The following FCHSD2 variants were observed in gnomAD, a reference collection of about 807,000 sequenced individuals.
The protein encoded by FCHSD2 is FCH and double SH3 domains 2.
FCHSD2 carries 38 observed loss-of-function variants against 108.1 expected under a neutral mutation model. The observed-to-expected ratio is 0.35, with a 90% CI of 0.27 to 0.46. The LOEUF is 0.46. Ranked by LOEUF, FCHSD2 falls within the 20% of genes least tolerant of loss-of-function variation. The probability of loss-of-function intolerance (pLI) is 1.00; values close to 1 mark genes in which losing one functional copy is unlikely to be tolerated. For missense variants in FCHSD2, 751 were observed against 897.8 expected (o/e 0.84, Z 2.09); for synonymous variants, 279 against 314.7 (o/e 0.89, Z 1.20).
In FCHSD2 at chr11:72,991,820, A is replaced by T. The variant is rs2135407545; in HGVS notation, c.388-2723T>A. On this transcript the variant is annotated intron_variant, in intron 5 of 19. Transcript: ENST00000409418. ...GCCAATATCATACTGAATGGGCAAA[A>T]CCTGGAAGCACTCCCTTTGAAAACT... Among the ~76,000 whole-genome samples the T allele has an allele frequency of 1.3e-5, 2 of 152,298 alleles. 1 individual carries two copies. The highest frequency in any genetic ancestry group is 4.2e-4 in the South Asian group (2 of 4,816).
intron 2 of FCHSD2, among the ~76,000 whole-genome samples, chr11:73,095,974 A>T (rs1209838761): frequency 6.6e-6 from 1 of 152,118 alleles, no homozygotes; most frequent in Non-Finnish European, 1.5e-5. Flanking sequence ...TTTGAAAGAC[A>T]CAACCCTGAG....
chr11:72,857,117 T>TTCCTCC (rs2135182711), intron 13 of FCHSD2, among the ~76,000 whole-genome samples: 1 of 152,326 alleles, frequency 6.6e-6, no homozygotes, highest in South Asian at 2.1e-4. Flanking sequence ...TGGAGTTGAT[T>TTCCTCC]TTTGGATTCC....
chr11:72,926,827 T>C (rs1856085535), intron 8 of FCHSD2, among the ~76,000 whole-genome samples: 1 of 152,202 alleles, frequency 6.6e-6, no homozygotes, highest in East Asian at 1.9e-4. Context: ...CTTTTGTTGA[T>C]AGTTTTGAAT....
rs186734312 is a variant in FCHSD2, at chr11:72,840,850, G to C, written c.2139+27C>G. ...TTCAATTTGGAAGAACTATGCATTC[G>C]ATAATCCTGCAAGATCAGAGACTTA... On this transcript the variant is annotated intron_variant, in intron 19 of 19. Transcript: ENST00000409418. 1.0e-4 allele frequency: 154 copies of C among 1,523,190 alleles called. No homozygotes were observed. The African/African-American group carries it at 2.0e-3, about 20-fold the overall frequency. 94.4% of individuals were successfully genotyped at this position (1,523,190 alleles called of 1,614,324 possible).
At chr11:72,976,751 C>A (rs1591450198) in intron 8 of FCHSD2, among the ~76,000 whole-genome samples, 1 of 152,098 alleles carries the variant, frequency 6.6e-6, no homozygotes, top group African/African-American at 2.4e-5. Context: ...CAAATCCATA[C>A]ATCTACAGTG....
chr11:73,111,290 G>A (rs924235185), intron 2 of FCHSD2, among the ~76,000 whole-genome samples: 1 of 152,048 alleles, frequency 6.6e-6, no homozygotes, highest in Non-Finnish European at 1.5e-5. Context: ...ATATCTGGGT[G>A]CTCCAGTATT....
At chr11:73,078,817 C>A (rs1859615139) in intron 3 of FCHSD2, among the ~76,000 whole-genome samples, 2 of 152,262 alleles carry the variant, frequency 1.3e-5, no homozygotes, top group South Asian at 4.1e-4. Context: ...ATCCTGGACT[C>A]ACGTGATTCT....
At chr11:73,030,743 T>C (rs1858340165) in intron 3 of FCHSD2, among the ~76,000 whole-genome samples, 3 of 152,360 alleles carry the variant, frequency 2.0e-5, no homozygotes, top group Admixed American at 1.3e-4. Context: ...GCTATACATA[T>C]TGATAGTGAA....
At chr11:72,886,251 T>C (rs1855196484) in intron 12 of FCHSD2, among the ~76,000 whole-genome samples, 1 of 152,192 alleles carries the variant, frequency 6.6e-6, no homozygotes, top group African/African-American at 2.4e-5. Context: ...GATCTGACTA[T>C]TAGAAAGTAT....
chr11:72,855,833 G>T (rs1027306913), intron 13 of FCHSD2, among the ~76,000 whole-genome samples: 1 of 152,148 alleles, frequency 6.6e-6, no homozygotes, highest in African/African-American at 2.4e-5. Flanking sequence ...GGCAGAATGA[G>T]AAGAATAAAG....
Position 72,837,537 on chromosome 11 carries a change from C to T in FCHSD2, c.*1254G>A, listed in dbSNP as rs1306914617. ...TAGGTATTGTGCTCCCTACCTTCTA[C>T]AGGAGCGGACAGCAGACAGTCAGCA... On this transcript the variant is annotated 3_prime_UTR_variant, in exon 20 of 20. Transcript: ENST00000409418. The T allele has an allele frequency of 1.3e-5, 2 of 152,126 alleles. No homozygotes were observed. Among genetic ancestry groups the T allele is most frequent in the East Asian group, 1.9e-4 (1 of 5,172 alleles). 9.4% of individuals were successfully genotyped at this position (152,126 alleles called of 1,614,324 possible).
intron 2 of FCHSD2, among the ~76,000 whole-genome samples, chr11:73,109,324 T>C (rs1473667151): frequency 2.0e-5 from 3 of 152,236 alleles, no homozygotes; most frequent in Non-Finnish European, 2.9e-5. Context: ...ACTATGGACA[T>C]TTTAACAATA....
intron 3 of FCHSD2, among the ~76,000 whole-genome samples, chr11:73,049,816 A>G (rs776634265): frequency 1.6e-4 from 24 of 152,128 alleles, no homozygotes; most frequent in Non-Finnish European, 2.6e-4. Context: ...CTTTTTAAGG[A>G]GAGGATAAAA....
At chr11:72,983,993 C>G in intron 8 of FCHSD2, 95 bp downstream of exon 8, 3 of 972,932 alleles carry the variant, frequency 3.1e-6, no homozygotes, top group Non-Finnish European at 4.8e-6. Flanking sequence ...CCTGGCTACT[C>G]TTTTATAGAT....
intron 3 of FCHSD2, among the ~76,000 whole-genome samples, chr11:73,083,481 G>A (rs978998699): frequency 2.0e-5 from 3 of 151,854 alleles, no homozygotes; most frequent in Admixed American, 1.3e-4. Flanking sequence ...CCTGAGAGGC[G>A]GAGGTTGCAG....
At chr11:72,845,797 G>A (rs527286541) in intron 14 of FCHSD2, among the ~76,000 whole-genome samples, 1 of 152,268 alleles carries the variant, frequency 6.6e-6, no homozygotes, top group East Asian at 1.9e-4. Flanking sequence ...ATTACTGTGG[G>A]TTTAAGTCCA....
intron 13 of FCHSD2, among the ~76,000 whole-genome samples, chr11:72,865,062 G>C (rs1215576147): frequency 6.6e-6 from 1 of 152,244 alleles, no homozygotes; most frequent in Non-Finnish European, 1.5e-5. Flanking sequence ...TAAGGGAGTA[G>C]TCTGTGTCTT....
chr11:73,005,885 T>G (rs1048135227), intron 4 of FCHSD2, among the ~76,000 whole-genome samples: 5 of 150,754 alleles, frequency 3.3e-5, no homozygotes, highest in Admixed American at 6.6e-5. Context: ...AGTATCAATA[T>G]CCTGACTATT....
rs553853057 is a variant in FCHSD2 at position 73,088,188 on chromosome 11, T to A, written c.120-4448A>T. ...GCCCAGCCCATTTTTTAATCTTTCA[T>A]ACCATATTTTTGTTGTATCTTTCCT... On this transcript the variant is annotated intron_variant, in intron 2 of 19. Coordinates refer to ENST00000409418, the MANE Select transcript of FCHSD2 (RefSeq NM_014824.3). Among the ~76,000 whole-genome samples the A allele has an allele frequency of 2.0e-5, 3 of 152,326 alleles. No individual in the cohort carries two copies. In the East Asian group the frequency reaches 5.8e-4, roughly 29 times the overall value.
Sources: allele counts gnomAD v4.1 joint callset (sites outside exome capture counted in the v4.1 genomes callset), GRCh38; gene constraint gnomAD v4.1.1; transcripts MANE v1.5; gene names NCBI Gene and HGNC (gene_info 2026-07-23, HGNC 2026-07-21).